NUMB: variants seen among roughly 807,000 people sequenced by gnomAD.
The protein encoded by NUMB is protein numb homolog.
NUMB carries 29 observed loss-of-function variants against 59.7 expected under a neutral mutation model. The observed-to-expected ratio is 0.49, with a 90% CI of 0.36 to 0.66. NUMB has a LOEUF of 0.66. NUMB is among the 30% of genes least tolerant of loss of function. The pLI, the probability that NUMB is intolerant of heterozygous loss-of-function variation, is 0.00. For missense variants in NUMB, 723 were observed against 822.0 expected (o/e 0.88, Z 1.47); for synonymous variants, 288 against 288.2 (o/e 1.00, Z 0.01).
At chr14:73,375,632 C>G (rs1894912236) in intron 2 of NUMB, among the ~76,000 whole-genome samples, 1 of 152,110 alleles carries the variant, frequency 6.6e-6, no homozygotes, top group Admixed American at 6.5e-5. Context: ...TGAAGGGATG[C>G]AACCAAGCTA....
chr14:73,312,109 G>T (rs1257720142), intron 6 of NUMB, among the ~76,000 whole-genome samples: 1 of 152,006 alleles, frequency 6.6e-6, no homozygotes, highest in East Asian at 1.9e-4. Flanking sequence ...CATAAGAAAA[G>T]AATTCTGGGT....
intron 1 of NUMB, among the ~76,000 whole-genome samples, chr14:73,452,003 TC>T (rs1425357608): frequency 6.6e-6 from 1 of 152,034 alleles, no homozygotes; most frequent in African/African-American, 2.4e-5. Flanking sequence ...ATGCCTGTAA[TC>T]CCAACACTTT....
intron 2 of NUMB, among the ~76,000 whole-genome samples, chr14:73,368,045 A>C (rs1312297817): frequency 1.5e-5 from 1 of 66,982 alleles, no homozygotes; most frequent in African/African-American, 5.2e-5. Context: ...CAAAGTGTTT[A>C]AAAAAAAAAA....
At chr14:73,399,432 G>T (rs368015979) in intron 2 of NUMB, among the ~76,000 whole-genome samples, 10 of 152,222 alleles carry the variant, frequency 6.6e-5, no homozygotes, top group African/African-American at 2.4e-4. Context: ...GTGTGGTGGC[G>T]CATGCCTATA....
chr14:73,431,332 T>G (rs1897820109), intron 1 of NUMB, among the ~76,000 whole-genome samples: 1 of 150,826 alleles, frequency 6.6e-6, no homozygotes, highest in South Asian at 2.1e-4. Context: ...CTCGGCTCAC[T>G]GCAACCTCTG....
chr14:73,289,378 G>T lies in NUMB; in HGVS notation c.451-2064C>A, dbSNP rs145376232. Reference sequence around the variant, plus strand: ...TAATAAATTCAATGGATGATTTTTAGCAGGGTTATCTGTATTTTAGACCAT... The same window carrying T: ...TAATAAATTCAATGGATGATTTTTATCAGGGTTATCTGTATTTTAGACCAT... On this transcript the variant is annotated intron_variant, in intron 8 of 12. Transcript: ENST00000555238. 1.0e-3 allele frequency among the ~76,000 whole-genome samples: 153 copies of T among 152,326 alleles called. 1 individual carries two copies. Among genetic ancestry groups the T allele is most frequent in the African/African-American group, 2.2e-3 (91 of 41,566 alleles).
At chr14:73,337,822 AT>A (rs906685170) in intron 4 of NUMB, among the ~76,000 whole-genome samples, 1 of 152,164 alleles carries the variant, frequency 6.6e-6, no homozygotes, top group African/African-American at 2.4e-5. Context: ...AGTGGTTAAT[AT>A]TTTTATAACA....
chr14:73,363,064 G>A (rs1262904054), intron 3 of NUMB, among the ~76,000 whole-genome samples: 1 of 152,200 alleles, frequency 6.6e-6, no homozygotes, highest in East Asian at 1.9e-4. Context: ...GGGAGGCTGA[G>A]GCCGGTGGAT....
chr14:73,360,017 T>C (rs902578186), intron 3 of NUMB, among the ~76,000 whole-genome samples: 3 of 152,222 alleles, frequency 2.0e-5, no homozygotes, highest in Admixed American at 6.5e-5. Flanking sequence ...CTAGTATTTA[T>C]TTCTATGTCC....
At chr14:73,451,434 T>TAAA (rs71872203) in intron 1 of NUMB, among the ~76,000 whole-genome samples, 2 of 111,494 alleles carry the variant, frequency 1.8e-5, no homozygotes, top group Non-Finnish European at 3.9e-5. Flanking sequence ...AGACACCGTC[T>TAAA]AAAAAAAAAA....
At chr14:73,413,827 T>C (rs1271663939) in intron 1 of NUMB, among the ~76,000 whole-genome samples, 1 of 152,180 alleles carries the variant, frequency 6.6e-6, no homozygotes, top group African/African-American at 2.4e-5. Context: ...AGAGTTCTTT[T>C]ATTATGTATG....
chr14:73,438,379 C>T (rs1898144569), intron 1 of NUMB, among the ~76,000 whole-genome samples: 1 of 151,824 alleles, frequency 6.6e-6, no homozygotes, highest in African/African-American at 2.4e-5. Context: ...ACCTTTAATC[C>T]CAGCACTTTG....
At chr14:73,291,145 A>G (rs187937694) in intron 8 of NUMB, among the ~76,000 whole-genome samples, 32 of 151,854 alleles carry the variant, frequency 2.1e-4, no homozygotes, top group Admixed American at 2.1e-3. Context: ...CAGTGGTGCA[A>G]TCTTGACTCA....
intron 4 of NUMB, among the ~76,000 whole-genome samples, chr14:73,329,030 G>A (rs1021719714): frequency 1.3e-5 from 2 of 151,978 alleles, no homozygotes; most frequent in African/African-American, 4.8e-5. Flanking sequence ...CACCACACCC[G>A]GCTAATTTTG....
intron 1 of NUMB, among the ~76,000 whole-genome samples, chr14:73,419,640 A>G (rs1297266960): frequency 1.3e-5 from 2 of 152,198 alleles, no homozygotes; most frequent in Non-Finnish European, 2.9e-5. Flanking sequence ...TATGCAGTTT[A>G]TGGTCAAAAT....
chr14:73,434,829 T>C (rs1897984289), intron 1 of NUMB, among the ~76,000 whole-genome samples: 1 of 152,190 alleles, frequency 6.6e-6, no homozygotes, highest in South Asian at 2.1e-4. Context: ...ATAGCAAATA[T>C]TTACTCCAAA....
intron 1 of NUMB, among the ~76,000 whole-genome samples, chr14:73,410,341 C>T (rs987352071): frequency 6.6e-6 from 1 of 152,108 alleles, no homozygotes; most frequent in South Asian, 2.1e-4. Flanking sequence ...ACAAATTCTC[C>T]GTGCATAAGT....
chr14:73,282,586 T>C (rs1888704347), intron 10 of NUMB, 81 bp from the exon 11 acceptor site: 1 of 1,421,258 alleles, frequency 7.0e-7, no homozygotes, highest in Non-Finnish European at 9.6e-7. Context: ...AGCTGGCACT[T>C]TATACTGTAT....
intron 4 of NUMB, among the ~76,000 whole-genome samples, chr14:73,329,039 T>A (rs1891812785): frequency 6.6e-6 from 1 of 152,164 alleles, no homozygotes; most frequent in Admixed American, 6.5e-5. Flanking sequence ...CGGCTAATTT[T>A]GTATTTTTAA....
Sources: gnomAD v4.1 joint callset for allele counts (sites outside exome capture counted in the v4.1 genomes callset) on GRCh38, gnomAD v4.1.1 for gene constraint, MANE v1.5 for transcripts, NCBI Gene and HGNC (gene_info 2026-07-23, HGNC 2026-07-21) for gene names.